Variants in MAGI2 observed in about 807,000 individuals in gnomAD.
MAGI2 encodes membrane associated guanylate kinase, WW and PDZ domain containing 2.
MAGI2 carries 35 observed loss-of-function variants against 133.3 expected under a neutral mutation model. The observed-to-expected ratio is 0.26, with a 90% CI of 0.20 to 0.35. The LOEUF (loss-of-function observed/expected upper bound fraction) is 0.35. Ranked by LOEUF, MAGI2 falls within the 10% of genes least tolerant of loss-of-function variation. The pLI, the probability that MAGI2 is intolerant of heterozygous loss-of-function variation, is 1.00. For synonymous variants in MAGI2, 729 were observed against 710.6 expected (o/e 1.03, Z -0.41); for missense variants, 1,636 against 1,863.4 (o/e 0.88, Z 2.25).
chr7:78,450,708 C>T (rs1307962658), intron 6 of MAGI2, among the ~76,000 whole-genome samples: 1 of 151,948 alleles, frequency 6.6e-6, no homozygotes, highest in Non-Finnish European at 1.5e-5. Context: ...CAAATACAGT[C>T]TCAGAATTGG....
intron 2 of MAGI2, among the ~76,000 whole-genome samples, chr7:78,824,340 A>C (rs1790437546): frequency 6.6e-6 from 1 of 152,186 alleles, no homozygotes; most frequent in South Asian, 2.1e-4. Context: ...TAGATCCTTG[A>C]GGAATCGCCA....
At chr7:79,160,884 A>G (rs1403049267) in intron 1 of MAGI2, among the ~76,000 whole-genome samples, 1 of 151,976 alleles carries the variant, frequency 6.6e-6, no homozygotes, top group Non-Finnish European at 1.5e-5. Flanking sequence ...GGCCCCTTTT[A>G]CATTGGTGCC....
intron 17 of MAGI2, among the ~76,000 whole-genome samples, chr7:78,133,789 C>T (rs778665374): frequency 1.3e-5 from 2 of 152,198 alleles, no homozygotes; most frequent in Non-Finnish European, 2.9e-5. Context: ...ATAGCTTATA[C>T]ATGTTGGTGT....
chr7:78,595,980 G>T (rs144962315), intron 3 of MAGI2, among the ~76,000 whole-genome samples: 4 of 152,220 alleles, frequency 2.6e-5, no homozygotes, highest in African/African-American at 9.6e-5. Context: ...AAAGAAATAT[G>T]CATGAATTGG....
intron 2 of MAGI2, among the ~76,000 whole-genome samples, chr7:78,801,262 A>G (rs1057027987): frequency 6.7e-6 from 1 of 149,194 alleles, no homozygotes; most frequent in Non-Finnish European, 1.5e-5. Context: ...TGATTTGAAT[A>G]CAGACCCTTA....
At chr7:78,374,771 T>C (rs191182251) in intron 6 of MAGI2, among the ~76,000 whole-genome samples, 61 of 152,290 alleles carry the variant, frequency 4.0e-4, no homozygotes, top group Non-Finnish European at 5.7e-4. Context: ...CTGGATTCAT[T>C]TTGATAGAAC....
At chr7:78,882,809 C>T (rs890047102) in intron 2 of MAGI2, among the ~76,000 whole-genome samples, 2 of 152,024 alleles carry the variant, frequency 1.3e-5, no homozygotes, top group African/African-American at 4.8e-5. Context: ...ACCCAACATC[C>T]CTTCATGATA....
chr7:78,825,179 C>A (rs1790510947), intron 2 of MAGI2, among the ~76,000 whole-genome samples: 1 of 152,048 alleles, frequency 6.6e-6, no homozygotes, highest in African/African-American at 2.4e-5. Flanking sequence ...GTGCAGCAAA[C>A]CATCATGGCA....
chr7:78,387,058 T>C (rs191575342), intron 6 of MAGI2, among the ~76,000 whole-genome samples: 1 of 152,366 alleles, frequency 6.6e-6, no homozygotes, highest in East Asian at 1.9e-4. Context: ...TAGATTGGTA[T>C]GCTACTATAG....
At chr7:78,073,731 G>T (rs1814971230) in intron 21 of MAGI2, among the ~76,000 whole-genome samples, 1 of 152,208 alleles carries the variant, frequency 6.6e-6, no homozygotes, top group African/African-American at 2.4e-5. Context: ...AATGAAGGAA[G>T]CCTGCATTTC....
intron 2 of MAGI2, among the ~76,000 whole-genome samples, chr7:78,932,262 A>G (rs1419258101): frequency 6.6e-6 from 1 of 152,090 alleles, no homozygotes; most frequent in African/African-American, 2.4e-5. Flanking sequence ...GTGTAAAGAT[A>G]TTGTTGATAA....
chr7:78,575,948 T>C (rs1802222947), intron 3 of MAGI2, among the ~76,000 whole-genome samples: 1 of 152,192 alleles, frequency 6.6e-6, no homozygotes, highest in Non-Finnish European at 1.5e-5. Flanking sequence ...ATAGGTTTAT[T>C]AGTTACGACA....
intron 6 of MAGI2, among the ~76,000 whole-genome samples, chr7:78,379,972 A>AT (rs140401627): frequency 0.047 from 7,146 of 152,084 alleles, 426 homozygotes; most frequent in East Asian, 0.18. Context: ...GAAATTGCAT[A>AT]TTTTCTAAAA....
intron 3 of MAGI2, among the ~76,000 whole-genome samples, chr7:78,535,123 C>G (rs1797779114): frequency 6.6e-6 from 1 of 151,938 alleles, no homozygotes; most frequent in Non-Finnish European, 1.5e-5. Flanking sequence ...CAGAGCGAGA[C>G]TCCATCTCAA....
At chr7:79,126,797 A>G (rs1035386442) in intron 1 of MAGI2, among the ~76,000 whole-genome samples, 52 of 151,654 alleles carry the variant, frequency 3.4e-4, no homozygotes, top group African/African-American at 1.0e-3. Flanking sequence ...TACATATTAA[A>G]TAATTTATTA....
At chr7:78,060,641 T>A (rs1340647710) in intron 21 of MAGI2, among the ~76,000 whole-genome samples, 1 of 152,130 alleles carries the variant, frequency 6.6e-6, no homozygotes, top group Admixed American at 6.5e-5. Flanking sequence ...TGGGAAAGGA[T>A]TCATGGAGGA....
chr7:78,346,954 A>G (rs779156774), intron 7 of MAGI2, among the ~76,000 whole-genome samples: 110 of 152,228 alleles, frequency 7.2e-4, no homozygotes, highest in Non-Finnish European at 1.4e-3. Context: ...TTGGCCAGTT[A>G]CTATGTATAG....
chr7:78,688,738 C>A (rs1325679785), intron 2 of MAGI2, among the ~76,000 whole-genome samples: 1 of 152,104 alleles, frequency 6.6e-6, no homozygotes, highest in Non-Finnish European at 1.5e-5. Flanking sequence ...CCCAACATGG[C>A]TAAGAAGTAT....
intron 6 of MAGI2, among the ~76,000 whole-genome samples, chr7:78,413,106 C>T (rs1172781610): frequency 2.0e-5 from 3 of 152,020 alleles, no homozygotes; most frequent in African/African-American, 4.8e-5. Context: ...TTTGACAAAA[C>T]CAGTTTTCTT....
Sources: allele counts gnomAD v4.1 joint callset (sites outside exome capture counted in the v4.1 genomes callset), GRCh38; gene constraint gnomAD v4.1.1; transcripts MANE v1.5; gene names NCBI Gene and HGNC (gene_info 2026-07-23, HGNC 2026-07-21).